Variants in ZNF385D observed in about 807,000 individuals in gnomAD.
ZNF385D encodes the protein zinc finger protein 385D, also known as zinc finger protein 659.
ZNF385D carries 15 observed loss-of-function variants against 35.8 expected under a neutral mutation model. That is an observed-to-expected ratio of 0.42 (90% CI 0.28 to 0.64). The LOEUF (loss-of-function observed/expected upper bound fraction) is 0.64. Ranked by LOEUF, ZNF385D falls within the 30% of genes least tolerant of loss-of-function variation. The pLI is 0.23. For synonymous variants in ZNF385D, 212 were observed against 186.8 expected (o/e 1.13, Z -1.10); for missense variants, 474 against 494.6 (o/e 0.96, Z 0.39).
intron 3 of ZNF385D, among the ~76,000 whole-genome samples, chr3:21,845,398 A>G (rs917784380): frequency 6.6e-6 from 1 of 152,002 alleles, no homozygotes; most frequent in Non-Finnish European, 1.5e-5. Context: ...GACTAACGCT[A>G]TTATATTTTC....
At chr3:22,007,699 T>A (rs1413486986) in intron 3 of ZNF385D, among the ~76,000 whole-genome samples, 1 of 152,200 alleles carries the variant, frequency 6.6e-6, no homozygotes, top group Non-Finnish European at 1.5e-5. Context: ...AAATGATAAT[T>A]CAGTATAGTT....
intron 3 of ZNF385D, among the ~76,000 whole-genome samples, chr3:22,080,628 T>C (rs556855162): frequency 6.6e-6 from 1 of 151,966 alleles, no homozygotes; most frequent in Non-Finnish European, 1.5e-5. Context: ...CATTTCCGTA[T>C]CCATTTTATA....
rs561045375 is a variant in ZNF385D at position 22,268,449 on chromosome 3, G to C, written c.107-99414C>G. On this transcript the variant is annotated intron_variant, in intron 2 of 5. Coordinates refer to the ZNF385D transcript ENST00000494108. ...TTACTTTTATTTAAAAAAGAGGATA[G>C]TAAATATTATCTGTGAAGAGCCAAA... Among the ~76,000 whole-genome samples, 500 of 152,082 alleles carry C rather than the reference G, an allele frequency of 3.3e-3. 4 individuals are homozygous for C. The highest frequency in any genetic ancestry group is 0.01 in the African/African-American group (420 of 41,522).
chr3:22,032,625 T>C (rs1306432335), intron 3 of ZNF385D, among the ~76,000 whole-genome samples: 1 of 152,134 alleles, frequency 6.6e-6, no homozygotes, highest in East Asian at 1.9e-4. Context: ...TTCTTAGCGC[T>C]AAGGTTAACA....
intron 3 of ZNF385D, among the ~76,000 whole-genome samples, chr3:21,945,452 CTG>C (rs1429344496): frequency 1.3e-5 from 2 of 152,148 alleles, no homozygotes; most frequent in African/African-American, 4.8e-5. Flanking sequence ...TACTCACTAG[CTG>C]TGAAAACTTC....
intron 2 of ZNF385D, among the ~76,000 whole-genome samples, chr3:22,213,638 T>C (rs1697666957): frequency 6.6e-6 from 1 of 151,956 alleles, no homozygotes; most frequent in Admixed American, 6.6e-5. Context: ...TAACACAAGT[T>C]AAAAAACCTC....
chr3:21,832,862 A>G (rs1364079512), intron 3 of ZNF385D, among the ~76,000 whole-genome samples: 1 of 152,202 alleles, frequency 6.6e-6, no homozygotes, highest in African/African-American at 2.4e-5. Flanking sequence ...ACCCAAAAGG[A>G]AAAAGATCCA....
chr3:22,274,756 T>C lies in ZNF385D; in HGVS notation c.106+97694A>G, dbSNP rs574404325. The stretch of plus-strand genomic sequence containing the variant: ...TTTAATCTTCCAGTCAAATAAATAT[T>C]GCGGCTTGGATTCCAACGAAGTTAG... On this transcript the variant is annotated intron_variant, in intron 2 of 5. Transcript: ENST00000494108. Among the ~76,000 whole-genome samples, 4 of 151,752 alleles carry C rather than the reference T, an allele frequency of 2.6e-5. No homozygotes were observed. In the East Asian group the frequency reaches 7.8e-4, roughly 29 times the overall value.
intron 2 of ZNF385D, among the ~76,000 whole-genome samples, chr3:22,354,037 T>C (rs1485449162): frequency 6.6e-6 from 1 of 152,060 alleles, no homozygotes; most frequent in Non-Finnish European, 1.5e-5. Context: ...ATTATCTTCT[T>C]TTTTTTGGTT....
intron 3 of ZNF385D, among the ~76,000 whole-genome samples, chr3:21,828,379 A>T (rs529078649): frequency 1.3e-5 from 2 of 152,342 alleles, no homozygotes; most frequent in East Asian, 3.9e-4. Context: ...TCTGAATGAT[A>T]TAATAAATAT....
At chr3:21,783,686 G>A (rs1329567722) in intron 3 of ZNF385D, among the ~76,000 whole-genome samples, 2 of 152,066 alleles carry the variant, frequency 1.3e-5, no homozygotes, top group Non-Finnish European at 2.9e-5. Context: ...TGACTTCTCT[G>A]CATGCACGAA....
chr3:22,369,484 A>C (rs1474376707), intron 2 of ZNF385D, among the ~76,000 whole-genome samples: 44 of 152,116 alleles, frequency 2.9e-4, no homozygotes, highest in Admixed American at 2.7e-3. Flanking sequence ...CAAAAAATAA[A>C]ACAACTCTCT....
In ZNF385D at chr3:22,285,861, C is replaced by A. The variant is rs1701996627; in HGVS notation, c.106+86589G>T. On this transcript the variant is annotated intron_variant, in intron 2 of 5. Transcript: ENST00000494108. ...AAAATATAGCTAGTATTAACATTAC[C>A]ATTTAATCCTTAAAAAGTATTTACT... 2.6e-5 allele frequency among the ~76,000 whole-genome samples: 4 copies of A among 152,046 alleles called. No individual in the cohort carries two copies. The South Asian group carries it at 8.3e-4, about 32-fold the overall frequency.
intron 3 of ZNF385D, among the ~76,000 whole-genome samples, chr3:22,095,898 G>A (rs1000785108): frequency 6.6e-6 from 1 of 151,628 alleles, no homozygotes; most frequent in African/African-American, 2.4e-5. Flanking sequence ...TATCATGGAG[G>A]TGATATTCAC....
intron 3 of ZNF385D, among the ~76,000 whole-genome samples, chr3:21,943,333 T>C (rs1701626647): frequency 6.6e-6 from 1 of 151,600 alleles, no homozygotes. Flanking sequence ...TATATACATA[T>C]ATATAGCGAG....
At chr3:21,619,618 T>C (rs2064946666) in intron 2 of ZNF385D, among the ~76,000 whole-genome samples, 1 of 152,248 alleles carries the variant, frequency 6.6e-6, no homozygotes, top group African/African-American at 2.4e-5. Flanking sequence ...ACTCTTCCGT[T>C]AGAAACTCCT....
At chr3:21,709,270 A>G (rs1332788026) in intron 1 of ZNF385D, among the ~76,000 whole-genome samples, 1 of 152,204 alleles carries the variant, frequency 6.6e-6, no homozygotes, top group East Asian at 1.9e-4. Flanking sequence ...CAGTGTACTC[A>G]AAGGCAGATA....
chr3:22,066,396 T>A (rs1319710971), intron 3 of ZNF385D, among the ~76,000 whole-genome samples: 3 of 140,356 alleles, frequency 2.1e-5, no homozygotes, highest in Non-Finnish European at 4.6e-5. Flanking sequence ...AGATACTGGG[T>A]GAGATGGTTC....
At chr3:22,180,827 T>C (rs987467018) in intron 2 of ZNF385D, among the ~76,000 whole-genome samples, 1 of 151,822 alleles carries the variant, frequency 6.6e-6, no homozygotes, top group African/African-American at 2.4e-5. Context: ...ACAGCCAATA[T>C]CATACTATGA....
Sources: allele counts gnomAD v4.1 joint callset (sites outside exome capture counted in the v4.1 genomes callset), GRCh38; gene constraint gnomAD v4.1.1; transcripts MANE v1.5; gene names NCBI Gene and HGNC (gene_info 2026-07-23, HGNC 2026-07-21).